Variants in GPC6 observed in about 807,000 individuals in gnomAD.
GPC6 encodes the protein glypican 6, also known as glypican-6.
In GPC6, 14 loss-of-function variants were observed where a neutral mutation model predicts 55.2. The ratio of observed to expected loss-of-function variants is 0.25; its 90% confidence interval spans 0.17 to 0.40. The LOEUF (loss-of-function observed/expected upper bound fraction) is 0.40, where lower values mean the gene tolerates loss of function less well. GPC6 is among the 10% of genes least tolerant of loss of function. The pLI is 1.00. For synonymous variants in GPC6, 278 were observed against 259.6 expected, an observed-to-expected ratio of 1.07 and a Z score of -0.68; for missense variants, 641 against 708.5, an observed-to-expected ratio of 0.90 and a Z score of 1.08.
rs1878227046 is a variant in GPC6 at position 93,606,100 on chromosome 13, A to G, written c.319+60679A>G. Among the ~76,000 whole-genome samples, 4 of 152,186 alleles carry G rather than the reference A, an allele frequency of 2.6e-5. No homozygotes were observed. In the South Asian group the frequency reaches 8.3e-4, roughly 31 times the overall value. ...TATTATTAGCTATTATCATTAGATC[A>G]TAGGAAGTCAAGTTCCATTTTACTT... On this transcript the variant is annotated intron_variant, in intron 2 of 8. Coordinates refer to ENST00000377047, the MANE Select transcript of GPC6 (RefSeq NM_005708.5).
chr13:93,432,542 G>A (rs2139276265), intron 1 of GPC6, among the ~76,000 whole-genome samples: 1 of 152,216 alleles, frequency 6.6e-6, no homozygotes, highest in South Asian at 2.1e-4. Context: ...CAGTCTTTCT[G>A]AAACATTTTA....
At chr13:93,234,562 C>T (rs2139006704) in intron 1 of GPC6, among the ~76,000 whole-genome samples, 1 of 152,066 alleles carries the variant, frequency 6.6e-6, no homozygotes, top group African/African-American at 2.4e-5. Context: ...GAGTGGTGAC[C>T]ATGGAAATAG....
chr13:93,901,355 T>C (rs1876339140), intron 3 of GPC6, among the ~76,000 whole-genome samples: 1 of 152,212 alleles, frequency 6.6e-6, no homozygotes, highest in Admixed American at 6.5e-5. Context: ...ATTATACTTT[T>C]ATTCTTATGG....
At position 94,320,490 on chromosome 13, in the gene GPC6, A is replaced by G. The variant is rs187210440; in HGVS notation, c.1152+14367A>G. Among the ~76,000 whole-genome samples, 43 of 152,112 alleles carry G rather than the reference A, an allele frequency of 2.8e-4. No individual in the cohort carries two copies. The East Asian group carries it at 7.5e-3, about 27-fold the overall frequency. ...TATTCCTTGGAAATTAATCAATGGA[A>G]AGTCTGGGTGGCCTGTGTTGAAAGG... On this transcript the variant is annotated intron_variant, in intron 6 of 8. Coordinates refer to ENST00000377047, the MANE Select transcript of GPC6 (RefSeq NM_005708.5).
chr13:93,771,384 T>C (rs139958079), intron 2 of GPC6, among the ~76,000 whole-genome samples: 108 of 152,308 alleles, frequency 7.1e-4, no homozygotes, highest in African/African-American at 2.3e-3. Context: ...CCGTGGCTAA[T>C]TGAAGACACA....
intron 2 of GPC6, among the ~76,000 whole-genome samples, chr13:93,762,663 A>G (rs1357400861): frequency 6.6e-6 from 1 of 152,208 alleles, no homozygotes; most frequent in Non-Finnish European, 1.5e-5. Context: ...TAAGGAAAGA[A>G]AATTAGGTTT....
intron 3 of GPC6, among the ~76,000 whole-genome samples, chr13:93,985,084 A>G (rs948276455): frequency 6.6e-6 from 1 of 152,006 alleles, no homozygotes; most frequent in Admixed American, 6.6e-5. Flanking sequence ...GTGACTACCT[A>G]TGGGCCCAAG....
chr13:93,679,330 A>G lies in GPC6; in HGVS notation c.319+133909A>G, dbSNP rs190286288. Reference sequence around the variant, plus strand: ...AAATCCATCAAGAGAAATGACAGCTAGTAGACCATGGAGTGATAACCACTC... The same window carrying G: ...AAATCCATCAAGAGAAATGACAGCTGGTAGACCATGGAGTGATAACCACTC... On this transcript the variant is annotated intron_variant, in intron 2 of 8. Coordinates refer to ENST00000377047, the MANE Select transcript of GPC6 (RefSeq NM_005708.5). Among the ~76,000 whole-genome samples the G allele has an allele frequency of 2.6e-5, 4 of 152,308 alleles. No individual in the cohort carries two copies. In the East Asian group the frequency reaches 7.7e-4, roughly 29 times the overall value.
chr13:93,716,178 A>T (rs1229438203), intron 2 of GPC6, among the ~76,000 whole-genome samples: 2 of 151,700 alleles, frequency 1.3e-5, no homozygotes, highest in Non-Finnish European at 3.0e-5. Context: ...TACTACTTGA[A>T]AATAATAAGT....
At chr13:93,463,723 G>A (rs1228328371) in intron 1 of GPC6, among the ~76,000 whole-genome samples, 4 of 150,976 alleles carry the variant, frequency 2.6e-5, no homozygotes. Flanking sequence ...ACATATTGTT[G>A]CCTTGTAAGT....
chr13:93,241,734 C>T (rs1157756436), intron 1 of GPC6, among the ~76,000 whole-genome samples: 1 of 151,806 alleles, frequency 6.6e-6, no homozygotes, highest in African/African-American at 2.4e-5. Flanking sequence ...CAAAACTCTG[C>T]TTTTCATATT....
rs1555316706 is a variant in GPC6 at position 94,294,456 on chromosome 13, A to AC, written c.1008+7980dup. Among the ~76,000 whole-genome samples, 79 of 148,812 alleles carry AC rather than the reference A, an allele frequency of 5.3e-4. 2 individuals carry two copies. In the South Asian group the frequency reaches 0.016, roughly 30 times the overall value. ...GAAGATTAAAAAAAAAAAAAAAAAA[A>AC]CCCTAAGAGAACAGAACAGAGAATG... On this transcript the variant is annotated intron_variant, in intron 5 of 8. Transcript: ENST00000377047.
chr13:93,684,500 A>T (rs1363717048), intron 2 of GPC6, among the ~76,000 whole-genome samples: 1 of 152,146 alleles, frequency 6.6e-6, no homozygotes, highest in Non-Finnish European at 1.5e-5. Context: ...CAAAATTTTT[A>T]AATGTGTTAC....
chr13:93,955,116 T>C (rs1416106119), intron 3 of GPC6, among the ~76,000 whole-genome samples: 2 of 152,098 alleles, frequency 1.3e-5, no homozygotes, highest in Non-Finnish European at 2.9e-5. Context: ...CAGGTCACAC[T>C]TCTTTTTATC....
chr13:93,527,751 G>A (rs1881710985), intron 1 of GPC6, among the ~76,000 whole-genome samples: 1 of 152,040 alleles, frequency 6.6e-6, no homozygotes, highest in Admixed American at 6.6e-5. Flanking sequence ...GAGACTGAGT[G>A]ATATTTACCT....
chr13:93,427,518 C>T (rs910509012), intron 1 of GPC6, among the ~76,000 whole-genome samples: 11 of 151,980 alleles, frequency 7.2e-5, no homozygotes, highest in Non-Finnish European at 1.6e-4. Context: ...CCCTATTTAA[C>T]AAATGGTGCT....
At chr13:93,859,007 C>T (rs547876128) in intron 3 of GPC6, among the ~76,000 whole-genome samples, 14 of 151,484 alleles carry the variant, frequency 9.2e-5, no homozygotes, top group Admixed American at 2.6e-4. Context: ...TGGGAGTCAA[C>T]GCAGAGAAAA....
chr13:93,968,407 C>T (rs1880141790), intron 3 of GPC6, among the ~76,000 whole-genome samples: 2 of 152,120 alleles, frequency 1.3e-5, no homozygotes, highest in Admixed American at 6.5e-5. Flanking sequence ...AATTGGCTAA[C>T]ACAATTAGCT....
intron 5 of GPC6, among the ~76,000 whole-genome samples, chr13:94,302,489 A>G (rs1366842410): frequency 6.6e-6 from 1 of 152,234 alleles, no homozygotes; most frequent in African/African-American, 2.4e-5. Flanking sequence ...GGACACAAAT[A>G]TTCAGACACA....
Sources: allele counts gnomAD v4.1 joint callset (sites outside exome capture counted in the v4.1 genomes callset), GRCh38; gene constraint gnomAD v4.1.1; transcripts MANE v1.5; gene names NCBI Gene and HGNC (gene_info 2026-07-23, HGNC 2026-07-21).